The following DCC variants were observed in gnomAD, a reference collection of about 807,000 sequenced individuals.
DCC encodes DCC netrin 1 receptor.
Under a neutral mutation model 172.5 loss-of-function variants are expected in DCC, and 58 were observed. That is an observed-to-expected ratio of 0.34 (90% CI 0.27 to 0.42). The LOEUF is 0.42. Among genes scored for constraint, DCC ranks in the 10% least tolerant of loss-of-function variants. The probability of loss-of-function intolerance (pLI) is 1.00; values close to 1 mark genes in which losing one functional copy is unlikely to be tolerated. For synonymous variants in DCC, 709 were observed against 644.5 expected (o/e 1.10, Z -1.52); for missense variants, 1,740 against 1,791.0 (o/e 0.97, Z 0.51).
chr18:53,228,930 A>T (rs1449137459), intron 12 of DCC, among the ~76,000 whole-genome samples: 1 of 152,060 alleles, frequency 6.6e-6, no homozygotes, highest in Non-Finnish European at 1.5e-5. Flanking sequence ...ATTGTTTTAT[A>T]TTTCTTTATT....
intron 8 of DCC, among the ~76,000 whole-genome samples, chr18:53,166,096 CT>C (rs1345264270): frequency 6.6e-6 from 1 of 152,042 alleles, no homozygotes; most frequent in Non-Finnish European, 1.5e-5. Flanking sequence ...GCAGAGAGAA[CT>C]TTGTAGATAT....
In DCC at chr18:52,851,549, T is replaced by C. The variant is rs116198008; in HGVS notation, c.413-54495T>C. On this transcript the variant is annotated intron_variant, in intron 2 of 28. Transcript: ENST00000442544. ...ATCTAGTCAAAAAGTTTGTATGTTG[T>C]TTCCCTTTGGGTTATTCCATTTATC... Among the ~76,000 whole-genome samples the C allele has an allele frequency of 4.0e-3, 612 of 152,224 alleles. 5 individuals carry two copies. Among genetic ancestry groups the C allele is most frequent in the African/African-American group, 0.014 (582 of 41,570 alleles).
At chr18:52,933,627 A>G (rs2040340684) in intron 5 of DCC, among the ~76,000 whole-genome samples, 1 of 152,048 alleles carries the variant, frequency 6.6e-6, no homozygotes, top group Admixed American at 6.6e-5. Context: ...GATTTATCTT[A>G]AGGGCAGTGG....
intron 7 of DCC, among the ~76,000 whole-genome samples, chr18:53,131,248 TCA>T (rs1229889524): frequency 6.6e-6 from 1 of 152,108 alleles, no homozygotes; most frequent in East Asian, 1.9e-4. Context: ...ACAAGCACAT[TCA>T]CAGTTTTTCT....
At chr18:53,433,802 A>G (rs764831455) in intron 21 of DCC, among the ~76,000 whole-genome samples, 6 of 152,134 alleles carry the variant, frequency 3.9e-5, no homozygotes, top group Non-Finnish European at 8.8e-5. Context: ...AGGAGCCTGC[A>G]TCCTATCTCC....
chr18:52,357,727 G>A (rs1461767971), intron 1 of DCC, among the ~76,000 whole-genome samples: 1 of 152,000 alleles, frequency 6.6e-6, no homozygotes, highest in Admixed American at 6.6e-5. Context: ...ATGAGGTCAG[G>A]AGATCAAGAC....
chr18:53,312,929 G>A (rs1313617478), intron 13 of DCC, among the ~76,000 whole-genome samples: 2 of 133,208 alleles, frequency 1.5e-5, no homozygotes, highest in East Asian at 4.5e-4. Flanking sequence ...GGGGAGGGGA[G>A]GGAAGGGAAA....
At chr18:53,075,528 C>A in intron 7 of DCC, among the ~76,000 whole-genome samples, 1 of 148,862 alleles carries the variant, frequency 6.7e-6, no homozygotes. Flanking sequence ...GGTAAATATA[C>A]CAGAGTGTTA....
chr18:53,328,596 G>A (rs1395819344), intron 14 of DCC, among the ~76,000 whole-genome samples: 1 of 152,124 alleles, frequency 6.6e-6, no homozygotes, highest in South Asian at 2.1e-4. Context: ...GTGCAATGGT[G>A]TGATCTCGGC....
At chr18:52,506,907 G>T (rs1409843916) in intron 1 of DCC, among the ~76,000 whole-genome samples, 3 of 152,088 alleles carry the variant, frequency 2.0e-5, no homozygotes, top group Non-Finnish European at 4.4e-5. Context: ...ATTGATAGTT[G>T]TAGCATTGAT....
intron 2 of DCC, among the ~76,000 whole-genome samples, chr18:52,778,829 A>G (rs1019143528): frequency 3.9e-5 from 6 of 152,246 alleles, no homozygotes; most frequent in Non-Finnish European, 7.3e-5. Flanking sequence ...GGCATCAAAT[A>G]CACATGGGCA....
Position 52,873,598 on chromosome 18 carries a change from T to C in DCC, c.413-32446T>C, listed in dbSNP as rs532685135. On this transcript the variant is annotated intron_variant, in intron 2 of 28. Coordinates refer to ENST00000442544, the MANE Select transcript of DCC (RefSeq NM_005215.4). The stretch of plus-strand genomic sequence containing the variant: ...GTTTTATCAAAATTAATATATATAG[T>C]ATTTATAGAACGCTGTGATTCACCA... Among the ~76,000 whole-genome samples the C allele has an allele frequency of 4.3e-4, 66 of 152,260 alleles. 1 individual carries two copies. The South Asian group carries it at 0.012, about 27-fold the overall frequency.
At chr18:52,708,683 A>G (rs1451241836) in intron 1 of DCC, among the ~76,000 whole-genome samples, 1 of 152,190 alleles carries the variant, frequency 6.6e-6, no homozygotes. Flanking sequence ...CCACAAGGCC[A>G]TGCTCACCAA....
intron 5 of DCC, among the ~76,000 whole-genome samples, chr18:53,051,642 A>G (rs1269295932): frequency 2.0e-5 from 3 of 152,116 alleles, no homozygotes; most frequent in Non-Finnish European, 2.9e-5. Context: ...TTCTTGGGTA[A>G]CATTACTCCA....
At chr18:52,542,623 G>T (rs557172780) in intron 1 of DCC, among the ~76,000 whole-genome samples, 2 of 152,106 alleles carry the variant, frequency 1.3e-5, no homozygotes, top group Non-Finnish European at 2.9e-5. Flanking sequence ...ATCACTTGAG[G>T]TCAGGAGTTT....
intron 5 of DCC, among the ~76,000 whole-genome samples, chr18:52,994,565 T>C (rs1258209316): frequency 6.6e-6 from 1 of 152,166 alleles, no homozygotes; most frequent in Non-Finnish European, 1.5e-5. Context: ...TAGTGGCAAT[T>C]ACTATTATAA....
At chr18:52,418,682 C>T (rs1428737338) in intron 1 of DCC, among the ~76,000 whole-genome samples, 1 of 152,066 alleles carries the variant, frequency 6.6e-6, no homozygotes, top group Non-Finnish European at 1.5e-5. Flanking sequence ...ACCTCTCCCC[C>T]AGATTCTCCC....
chr18:53,173,119 C>T (rs940553528), intron 8 of DCC, among the ~76,000 whole-genome samples: 1 of 152,050 alleles, frequency 6.6e-6, no homozygotes, highest in South Asian at 2.1e-4. Flanking sequence ...TGAGGGTTTG[C>T]TTTTAAAAAG....
chr18:52,806,198 T>C lies in DCC; in HGVS notation c.412+53824T>C, dbSNP rs577797771. Among the ~76,000 whole-genome samples, 11 of 152,326 alleles carry C rather than the reference T, an allele frequency of 7.2e-5. No homozygotes were observed. The South Asian group carries it at 2.1e-3, about 29-fold the overall frequency. On this transcript the variant is annotated intron_variant, in intron 2 of 28. Coordinates refer to ENST00000442544, the MANE Select transcript of DCC (RefSeq NM_005215.4). ...TTTCTTAGAGCAGTTTTTGGTTCAC[T>C]ATAAAACCAGGCAGAAAGTAAGAGA...
Sources: gnomAD v4.1 joint callset for allele counts (sites outside exome capture counted in the v4.1 genomes callset) on GRCh38, gnomAD v4.1.1 for gene constraint, MANE v1.5 for transcripts, NCBI Gene and HGNC (gene_info 2026-07-23, HGNC 2026-07-21) for gene names.